PCDHA7: variants seen among roughly 807,000 people sequenced by gnomAD.
PCDHA7 encodes protocadherin alpha-7.
PCDHA7 carries 37 observed loss-of-function variants against 57.2 expected under a neutral mutation model. The observed-to-expected ratio is 0.65, with a 90% CI of 0.50 to 0.85. The LOEUF (loss-of-function observed/expected upper bound fraction) is 0.85, where lower values mean the gene tolerates loss of function less well. Ranked by LOEUF, PCDHA7 falls within the 40% of genes least tolerant of loss-of-function variation. The probability of loss-of-function intolerance (pLI) is 0.00; values close to 1 mark genes in which losing one functional copy is unlikely to be tolerated. For missense variants in PCDHA7, 1,188 were observed against 1,241.8 expected (o/e 0.96, Z 0.65); for synonymous variants, 553 against 558.8 (o/e 0.99, Z 0.15).
At chr5:140,850,719 T>C in intron 1 of PCDHA7, 1 of 1,597,696 alleles carries the variant, frequency 6.3e-7, no homozygotes, top group Non-Finnish European at 8.6e-7. Flanking sequence ...GCTGGTGTGT[T>C]CTAGCGCGGT....
In PCDHA7 at chr5:140,875,325, G is replaced by C. The variant is rs1293166061; in HGVS notation, c.2355+38587G>C. 3 of 1,427,764 alleles carry C rather than the reference G, an allele frequency of 2.1e-6. No homozygotes were observed. The African/African-American group carries it at 4.3e-5, about 21-fold the overall frequency. 88.4% of individuals were successfully genotyped at this position (1,427,764 alleles called of 1,614,324 possible). A position where few individuals can be genotyped will look rare whatever the true frequency, so the allele number is the denominator to read the frequency against. On this transcript the variant is annotated intron_variant, in intron 1 of 3. Coordinates refer to ENST00000525929, the MANE Select transcript of PCDHA7 (RefSeq NM_018910.3). ...CCGCACCCACATTCCAATCATTCAC[G>C]GAATAGGATCGACTCCATAATGACT...
chr5:140,842,803 T>A, intron 1 of PCDHA7: 2 of 1,594,132 alleles, frequency 1.3e-6, no homozygotes, highest in Non-Finnish European at 8.6e-7. Flanking sequence ...CCTACTCGCT[T>A]GTGGAGCGGC....
chr5:140,967,576 A>T (rs2096159229), intron 1 of PCDHA7: 1 of 1,613,838 alleles, frequency 6.2e-7, no homozygotes, highest in African/African-American at 1.3e-5. Context: ...GGGAGGACTC[A>T]CCCCCAGGCA....
At chr5:140,888,649 A>G (rs1554183557) in intron 1 of PCDHA7, among the ~76,000 whole-genome samples, 1 of 152,210 alleles carries the variant, frequency 6.6e-6, no homozygotes, top group African/African-American at 2.4e-5. Flanking sequence ...TACTTTCCTG[A>G]GGACACCACC....
At chr5:140,967,750 C>T (rs782284231) in intron 1 of PCDHA7, 3 of 1,614,072 alleles carry the variant, frequency 1.9e-6, no homozygotes, top group Non-Finnish European at 8.5e-7. Flanking sequence ...ATGAGGAAGC[C>T]TCCTCCTACC....
chr5:140,998,186 CA>C (rs1323195881), intron 3 of PCDHA7, among the ~76,000 whole-genome samples: 1 of 152,088 alleles, frequency 6.6e-6, no homozygotes, highest in African/African-American at 2.4e-5. Context: ...AAGCACTTTA[CA>C]AGTATTAACT....
In PCDHA7 at chr5:140,884,360, G is replaced by A. The variant is rs782401694; in HGVS notation, c.2355+47622G>A. On this transcript the variant is annotated intron_variant, in intron 1 of 3. Coordinates refer to ENST00000525929, the MANE Select transcript of PCDHA7 (RefSeq NM_018910.3). ...AGAAGCGGCGCTGGTGGATGTCAAT[G>A]TTTACTTGATCATTGCCATCTGCGC... The A allele has an allele frequency of 3.1e-6, 5 of 1,613,852 alleles. No individual in the cohort carries two copies. The African/African-American group carries it at 4.0e-5, about 13-fold the overall frequency.
intron 1 of PCDHA7, among the ~76,000 whole-genome samples, chr5:140,922,956 T>G (rs2081088317): frequency 6.6e-6 from 1 of 152,236 alleles, no homozygotes; most frequent in Non-Finnish European, 1.5e-5. Context: ...CCAGTTTGTC[T>G]TCAGCCAGTG....
chr5:140,885,371 C>T (rs2153409645), intron 1 of PCDHA7, among the ~76,000 whole-genome samples: 1 of 152,182 alleles, frequency 6.6e-6, no homozygotes, highest in East Asian at 1.9e-4. Flanking sequence ...CTGAAAGTAC[C>T]TTTTGGCAGT....
intron 1 of PCDHA7, chr5:140,871,488 C>T (rs370808040): frequency 3.4e-5 from 54 of 1,591,050 alleles, no homozygotes; most frequent in Non-Finnish European, 4.5e-5. Flanking sequence ...CAAATCACCC[C>T]GGACAGGTGA....
At chr5:140,898,701 A>G (rs1216294301) in intron 1 of PCDHA7, among the ~76,000 whole-genome samples, 2 of 152,102 alleles carry the variant, frequency 1.3e-5, no homozygotes, top group African/African-American at 4.8e-5. Context: ...ATGAACTTTA[A>G]AGTAGTTTTT....
chr5:141,000,361 G>GTCTC (rs148596731), intron 3 of PCDHA7, among the ~76,000 whole-genome samples: 446 of 26,454 alleles, frequency 0.017, 11 homozygotes, highest in Non-Finnish European at 0.022. Flanking sequence ...GTCTCTCTCT[G>GTCTC]TCTCTCTCTC....
intron 1 of PCDHA7, chr5:140,864,197 G>A (rs2048362384): frequency 6.6e-6 from 1 of 152,118 alleles, no homozygotes; most frequent in Non-Finnish European, 1.5e-5. Context: ...ATCCTTATGA[G>A]AAGGTCAAAT....
chr5:140,840,358 G>T (rs1180450322), intron 1 of PCDHA7, among the ~76,000 whole-genome samples: 2 of 151,928 alleles, frequency 1.3e-5, no homozygotes, highest in African/African-American at 4.8e-5. Context: ...AGGTAAAAAT[G>T]TCAGGTAGAA....
intron 1 of PCDHA7, among the ~76,000 whole-genome samples, chr5:140,855,675 G>T (rs1554147907): frequency 6.7e-6 from 1 of 149,648 alleles, no homozygotes; most frequent in African/African-American, 2.5e-5. Context: ...TACTCTGAGA[G>T]TCTACATTTA....
At chr5:140,988,989 G>C (rs981946293) in intron 3 of PCDHA7, 1 of 152,184 alleles carries the variant, frequency 6.6e-6, no homozygotes, top group Admixed American at 6.5e-5. Flanking sequence ...CTAATGCAGG[G>C]TAAGGAAATA....
At chr5:140,884,810 G>A in intron 1 of PCDHA7, 1 of 1,150,538 alleles carries the variant, frequency 8.7e-7, no homozygotes, top group Non-Finnish European at 1.2e-6. Context: ...CAACTCTGCT[G>A]TGGACATTAT....
chr5:140,840,958 C>A (rs1776953520), intron 1 of PCDHA7, among the ~76,000 whole-genome samples: 1 of 152,042 alleles, frequency 6.6e-6, no homozygotes, highest in Admixed American at 6.5e-5. Context: ...GAAGAAATTC[C>A]TTTCCTTATG....
intron 1 of PCDHA7, among the ~76,000 whole-genome samples, chr5:140,962,736 C>T (rs1233355346): frequency 2.0e-5 from 3 of 152,136 alleles, no homozygotes; most frequent in Non-Finnish European, 4.4e-5. Flanking sequence ...TCTGGGGATG[C>T]ATGAAGATCA....
Sources: allele counts gnomAD v4.1 joint callset (sites outside exome capture counted in the v4.1 genomes callset), GRCh38; gene constraint gnomAD v4.1.1; transcripts MANE v1.5; gene names NCBI Gene and HGNC (gene_info 2026-07-23, HGNC 2026-07-21).